RIMS2: variants seen among roughly 807,000 people sequenced by gnomAD.
The protein encoded by RIMS2 is regulating synaptic membrane exocytosis 2.
Under a neutral mutation model 174.4 loss-of-function variants are expected in RIMS2, and 59 were observed. The observed-to-expected ratio is 0.34, with a 90% CI of 0.27 to 0.42. RIMS2 has a LOEUF of 0.42. Among genes scored for constraint, RIMS2 ranks in the 10% least tolerant of loss-of-function variants. The probability of loss-of-function intolerance (pLI) is 1.00; values close to 1 mark genes in which losing one functional copy is unlikely to be tolerated. For missense variants in RIMS2, 1,620 were observed against 1,666.3 expected (o/e 0.97, Z 0.48); for synonymous variants, 606 against 572.5 (o/e 1.06, Z -0.84).
chr8:103,810,254 G>T (rs1484199037), intron 3 of RIMS2, among the ~76,000 whole-genome samples: 1 of 152,088 alleles, frequency 6.6e-6, no homozygotes, highest in Non-Finnish European at 1.5e-5. Flanking sequence ...AGAAGCAATT[G>T]TATTAGTTCT....
intron 1 of RIMS2, among the ~76,000 whole-genome samples, chr8:103,580,643 G>A (rs2132773270): frequency 6.6e-6 from 1 of 152,164 alleles, no homozygotes; most frequent in South Asian, 2.1e-4. Context: ...ATTTAACCAT[G>A]AAGAAATAGA....
intron 3 of RIMS2, among the ~76,000 whole-genome samples, chr8:103,863,270 T>A (rs1355487507): frequency 6.6e-6 from 1 of 152,194 alleles, no homozygotes; most frequent in African/African-American, 2.4e-5. Flanking sequence ...ATCACATTTA[T>A]TGAGTTGCTT....
At chr8:104,248,410 C>T (rs2140192925) in intron 20 of RIMS2, among the ~76,000 whole-genome samples, 1 of 152,226 alleles carries the variant, frequency 6.6e-6, no homozygotes, top group South Asian at 2.1e-4. Flanking sequence ...TCAATATGTG[C>T]TGAGTGTTAC....
intron 19 of RIMS2, among the ~76,000 whole-genome samples, chr8:104,068,209 T>C (rs1000381403): frequency 1.3e-5 from 2 of 152,234 alleles, no homozygotes; most frequent in Admixed American, 1.3e-4. Flanking sequence ...TGCAGTCAAA[T>C]GTATTCTGGA....
chr8:104,239,137 G>A (rs1057397229), intron 19 of RIMS2, among the ~76,000 whole-genome samples: 14 of 152,182 alleles, frequency 9.2e-5, no homozygotes, highest in African/African-American at 2.7e-4. Context: ...CCTGCCTTGG[G>A]TGGGGCTTAA....
chr8:103,952,236 C>T (rs759115519), intron 14 of RIMS2, among the ~76,000 whole-genome samples: 9 of 152,196 alleles, frequency 5.9e-5, no homozygotes, highest in Admixed American at 3.9e-4. Flanking sequence ...GAGCAGATCT[C>T]CCAGCACAGT....
chr8:103,600,877 G>C (rs2094703136), intron 1 of RIMS2, among the ~76,000 whole-genome samples: 1 of 151,870 alleles, frequency 6.6e-6, no homozygotes, highest in African/African-American at 2.4e-5. Context: ...CCTGCCTTTT[G>C]GATATAAGCC....
At chr8:103,978,995 C>T (rs1380916685) in intron 16 of RIMS2, among the ~76,000 whole-genome samples, 3 of 151,942 alleles carry the variant, frequency 2.0e-5, no homozygotes, top group Admixed American at 2.0e-4. Context: ...AAAAAGTAAA[C>T]CTCAATAAAT....
chr8:103,538,972 A>C (rs1253588069), intron 1 of RIMS2, among the ~76,000 whole-genome samples: 1 of 152,196 alleles, frequency 6.6e-6, no homozygotes, highest in Non-Finnish European at 1.5e-5. Context: ...ATTCCTTCTT[A>C]TGGCTGGGTA....
rs189484074 is a variant in RIMS2 at position 104,184,447 on chromosome 8, A to G, written c.3335-60469A>G. 9.0e-3 allele frequency among the ~76,000 whole-genome samples: 1,360 copies of G among 151,656 alleles called. 11 individuals are homozygous for G. Among genetic ancestry groups the G allele is most frequent in the Non-Finnish European group, 0.015 (1,012 of 67,604 alleles). The stretch of plus-strand genomic sequence containing the variant: ...AGCTAGATTAAAAACTACTAGAGAA[A>G]ACACTATTTATTATAACTCTTTTAC... On this transcript the variant is annotated intron_variant, in intron 19 of 23. Coordinates refer to ENST00000504942, the Ensembl canonical transcript of RIMS2.
At chr8:103,826,321 C>CT (rs577712027) in intron 3 of RIMS2, among the ~76,000 whole-genome samples, 9,892 of 146,442 alleles carry the variant, frequency 0.068, 362 homozygotes, top group Non-Finnish European at 0.081. Context: ...AGGCAACTAT[C>CT]TTTTTTTTTT....
intron 1 of RIMS2, among the ~76,000 whole-genome samples, chr8:103,588,435 G>T (rs560821730): frequency 6.6e-6 from 1 of 151,804 alleles, no homozygotes; most frequent in Non-Finnish European, 1.5e-5. Flanking sequence ...AACCATAAAA[G>T]ACCCAGAGTA....
rs572959000 is a variant in RIMS2 at position 103,652,293 on chromosome 8, C to G, written c.177-44793C>G. 3 of 1,035,990 alleles carry G rather than the reference C, an allele frequency of 2.9e-6. No individual in the cohort carries two copies. The African/African-American group carries it at 4.9e-5, about 17-fold the overall frequency. 64.2% of individuals were successfully genotyped at this position (1,035,990 alleles called of 1,614,324 possible). On this transcript the variant is annotated intron_variant, in intron 1 of 23. Transcript: ENST00000504942. ...TTGACTTCTGTACTTTTGCCACATA[C>G]TGCTTTCTGGTATTAGCTTACACTA...
intron 2 of RIMS2, among the ~76,000 whole-genome samples, chr8:103,742,551 T>C (rs1004135923): frequency 9.9e-5 from 15 of 152,158 alleles, no homozygotes; most frequent in Non-Finnish European, 1.9e-4. Context: ...TTCACTTTTG[T>C]AGCAGACGCA....
chr8:103,942,811 G>C, exon 14 of RIMS2: 1 of 1,612,726 alleles, frequency 6.2e-7, no homozygotes, highest in Non-Finnish European at 8.5e-7. Context: ...TAGATGATGA[G>C]CCACATTGGT....
chr8:104,190,935 G>GTTTTTTTT (rs57373743), intron 19 of RIMS2, among the ~76,000 whole-genome samples: 1 of 144,518 alleles, frequency 6.9e-6, no homozygotes, highest in Non-Finnish European at 1.5e-5. Flanking sequence ...CTCTTTTTTT[G>GTTTTTTTT]TTTTTTTTTT....
intron 19 of RIMS2, among the ~76,000 whole-genome samples, chr8:104,136,309 G>T (rs1428095811): frequency 6.6e-6 from 1 of 152,110 alleles, no homozygotes; most frequent in Non-Finnish European, 1.5e-5. Flanking sequence ...AGACAAAAAG[G>T]GGTGTATGGG....
chr8:103,645,932 TG>T (rs1408100845), intron 1 of RIMS2, among the ~76,000 whole-genome samples: 1 of 152,040 alleles, frequency 6.6e-6, no homozygotes, highest in African/African-American at 2.4e-5. Context: ...TGGGTGCAGG[TG>T]GGCTGAGTCT....
chr8:103,955,819 T>A (rs1372690116), intron 14 of RIMS2, among the ~76,000 whole-genome samples: 1 of 152,170 alleles, frequency 6.6e-6, no homozygotes, highest in Non-Finnish European at 1.5e-5. Context: ...TTATCTCTGT[T>A]TGCAGATGAC....
Sources: allele counts gnomAD v4.1 joint callset (sites outside exome capture counted in the v4.1 genomes callset), GRCh38; gene constraint gnomAD v4.1.1; transcripts MANE v1.5; gene names NCBI Gene and HGNC (gene_info 2026-07-23, HGNC 2026-07-21).